ARFGEF1: variants seen among roughly 807,000 people sequenced by gnomAD.
ARFGEF1 encodes the protein ARF guanine nucleotide exchange factor 1.
In ARFGEF1, 42 loss-of-function variants were observed where a neutral mutation model predicts 231.0. The ratio of observed to expected loss-of-function variants is 0.18; its 90% confidence interval spans 0.14 to 0.24. ARFGEF1 has a LOEUF of 0.24. ARFGEF1 is among the 10% of genes least tolerant of loss of function. The pLI is 1.00. For synonymous variants in ARFGEF1, 710 were observed against 732.3 expected, an observed-to-expected ratio of 0.97 and a Z score of 0.49; for missense variants, 1,345 against 2,192.0, an observed-to-expected ratio of 0.61 and a Z score of 7.72.
In ARFGEF1 at chr8:67,228,197, C is replaced by T. The variant is rs377717251; in HGVS notation, c.3421+27G>A. 1.4e-4 allele frequency: 222 copies of T among 1,609,026 alleles called. No homozygotes were observed. The East Asian group carries it at 1.9e-3, about 14-fold the overall frequency. On this transcript the variant is annotated intron_variant, in intron 24 of 38. Coordinates refer to ENST00000262215, the MANE Select transcript of ARFGEF1 (RefSeq NM_006421.5). Reference sequence around the variant, plus strand: ...AGTTATTTTAGCCCCAAGCCAGTTCCGAAGTAGAATAAATGCCCATACTTA... The same window carrying T: ...AGTTATTTTAGCCCCAAGCCAGTTCTGAAGTAGAATAAATGCCCATACTTA...
chr8:67,199,035 G>C lies in ARFGEF1; in HGVS notation c.5449C>G (p.Pro1817Ala), dbSNP rs755365542. 1 of 1,610,966 alleles carries C rather than the reference G, an allele frequency of 6.2e-7. No homozygotes were observed. Residue 1817 changes from proline to alanine, a missense_variant, in exon 39 of 39, where the codon CCT becomes GCT. Transcript: ENST00000262215. ...CTTCTAAGAACAGCACGAAGTTCAG[G>C]AATCAAGTCAAATTGCATAATTTCA... ...LCEIMQFDLI[P>A]ELRAVLRRFF...
chr8:67,296,664 T>C (rs1044711466), intron 4 of ARFGEF1, 54 bp from the exon 5 acceptor site: 95 of 1,415,828 alleles, frequency 6.7e-5, no homozygotes, highest in East Asian at 1.2e-4. Context: ...CTTTTTTTTT[T>C]TGGAGACAGT....
Position 67,267,085 on chromosome 8 carries a change from T to C in ARFGEF1, c.1812+6A>G. On this transcript the variant is annotated splice_donor_region_variant and intron_variant, in intron 12 of 38. Transcript: ENST00000262215. ...TTAAATTTGAAAATGTTTTTATAGT[T>C]CTTACCTGAACATTACTCATACCAA... 1.2e-6 allele frequency: 2 copies of C among 1,612,426 alleles called. No homozygotes were observed. Among genetic ancestry groups the C allele is most frequent in the South Asian group, 2.2e-5 (2 of 90,954 alleles).
intron 4 of ARFGEF1, among the ~76,000 whole-genome samples, chr8:67,298,986 G>A (rs1806360608): frequency 6.6e-6 from 1 of 152,140 alleles, no homozygotes; most frequent in African/African-American, 2.4e-5. Flanking sequence ...GTTTCACCAT[G>A]TTGGCCAGGC....
At chr8:67,342,638 C>G (rs1808694739) in intron 1 of ARFGEF1, among the ~76,000 whole-genome samples, 1 of 152,046 alleles carries the variant, frequency 6.6e-6, no homozygotes, top group African/African-American at 2.4e-5. Flanking sequence ...TCAGAACGGG[C>G]TGCACCTCTT....
At chr8:67,310,233 G>C (rs953643744) in intron 1 of ARFGEF1, among the ~76,000 whole-genome samples, 3 of 151,540 alleles carry the variant, frequency 2.0e-5, no homozygotes, top group Admixed American at 1.3e-4. Flanking sequence ...TCAGCCTGCC[G>C]AGTGCCTGCG....
chr8:67,222,227 A>ATGTATG lies in ARFGEF1; in HGVS notation c.4209-2668_4209-2667insCATACA, dbSNP rs1554636859. 8.8e-3 allele frequency among the ~76,000 whole-genome samples: 1,011 copies of ATGTATG among 115,138 alleles called. 4 individuals carry two copies. Among genetic ancestry groups the ATGTATG allele is most frequent in the Admixed American group, 0.016 (156 of 10,062 alleles). 75.5% of individuals were successfully genotyped at this position (115,138 alleles called of 152,430 possible). On this transcript the variant is annotated intron_variant, in intron 29 of 38. Transcript: ENST00000262215. ...TATACACACACATATATATATATGT[A>ATGTATG]TATGTATGTATGTATGTATGTATGT... is the stretch of plus-strand genomic sequence containing the variant.
rs779476098 is a variant in ARFGEF1 at position 67,302,510 on chromosome 8, C to G, written c.125-44G>C. On this transcript the variant is annotated intron_variant, in intron 1 of 38. Transcript: ENST00000262215. ...AAGCATACATTAGAAAACTGGACAG[C>G]AGAAAGACTGAGTAATTTCTTAAGT... 40 of 1,408,398 alleles carry G rather than the reference C, an allele frequency of 2.8e-5. No homozygotes were observed. The East Asian group carries it at 9.3e-4, about 33-fold the overall frequency. 87.2% of individuals were successfully genotyped at this position (1,408,398 alleles called of 1,614,324 possible).
chr8:67,184,287 CAGA>C (rs1381368958), intron 5 of ARFGEF1, among the ~76,000 whole-genome samples: 3 of 152,034 alleles, frequency 2.0e-5, no homozygotes, highest in South Asian at 2.1e-4. Flanking sequence ...CCAAAGTAAG[CAGA>C]AGAAGAGAAA....
At chr8:67,338,067 C>T (rs895114266) in intron 1 of ARFGEF1, among the ~76,000 whole-genome samples, 2 of 152,192 alleles carry the variant, frequency 1.3e-5, no homozygotes, top group African/African-American at 4.8e-5. Flanking sequence ...TTCCCATTCA[C>T]AATTTTCTCT....
intron 10 of ARFGEF1, among the ~76,000 whole-genome samples, chr8:67,269,386 C>T (rs1223900142): frequency 7.4e-6 from 1 of 134,360 alleles, no homozygotes; most frequent in African/African-American, 2.8e-5. Flanking sequence ...GAGTTTCGCT[C>T]TTGTTGACCA....
At chr8:67,192,560 CA>C (rs1160057342) in intron 5 of ARFGEF1, among the ~76,000 whole-genome samples, 1 of 152,132 alleles carries the variant, frequency 6.6e-6, no homozygotes, top group Non-Finnish European at 1.5e-5. Context: ...TCCAACTCAT[CA>C]CTCTTTCTTG....
At chr8:67,251,690 A>C (rs1207719090) in intron 18 of ARFGEF1, among the ~76,000 whole-genome samples, 1 of 152,156 alleles carries the variant, frequency 6.6e-6, no homozygotes, top group African/African-American at 2.4e-5. Flanking sequence ...ATAAGGAGTA[A>C]TTGCTTGATG....
At position 67,271,918 on chromosome 8, in the gene ARFGEF1, G is replaced by A. The variant is rs144253473; in HGVS notation, c.1356C>T (p.Ser452=). Residue 452 remains serine (S), a synonymous_variant, in exon 10 of 39, where the codon TCC becomes TCT. Transcript: ENST00000262215. ...PPDPKSHELR[S]KILSLQLLLS... ...GAAGTAACTGCAATGAAAGAATCTT[G>A]GATCGTAGTTCATGAGACCTAAAAT... 49 of 1,609,614 alleles carry A rather than the reference G, an allele frequency of 3.0e-5. No homozygotes were observed. Among genetic ancestry groups the A allele is most frequent in the South Asian group, 1.3e-4 (12 of 89,662 alleles).
rs184393648 is a variant in ARFGEF1, at chr8:67,275,904, C to T, written c.1337+72G>A. ...AGGACAAAAAGAACAAAAGAAAATC[C>T]AAACATTACCTTAACAGTAAGTTTC... On this transcript the variant is annotated intron_variant, in intron 9 of 38. Coordinates refer to ENST00000262215, the MANE Select transcript of ARFGEF1 (RefSeq NM_006421.5). The T allele has an allele frequency of 1.4e-4, 212 of 1,564,242 alleles. 1 individual carries two copies. Among genetic ancestry groups the T allele is most frequent in the Non-Finnish European group, 1.0e-5 (12 of 1,155,312 alleles).
At chr8:67,326,600 CTTT>C (rs774084356) in intron 1 of ARFGEF1, among the ~76,000 whole-genome samples, 5 of 152,136 alleles carry the variant, frequency 3.3e-5, no homozygotes, top group African/African-American at 4.8e-5. Flanking sequence ...CTCAAAAATA[CTTT>C]TTATTTCTTA....
In ARFGEF1 at chr8:67,203,126, C is replaced by A; in HGVS notation, c.5085G>T (p.Ala1695=). 1 of 1,614,006 alleles carries A rather than the reference C, an allele frequency of 6.2e-7. No individual in the cohort carries two copies. Among genetic ancestry groups the A allele is most frequent in the South Asian group, 1.1e-5 (1 of 91,026 alleles). Residue 1695 remains alanine (A), a synonymous_variant, in exon 36 of 39, where the codon GCG becomes GCT. Coordinates refer to ENST00000262215, the MANE Select transcript of ARFGEF1 (RefSeq NM_006421.5). ...CLLESHRFAK[A]FNSNNEQRTA... is the part of the protein sequence containing the mutation. ...TCCTCTGTTCGTTGTTGGAATTAAA[C>A]GCTTTTGCAAATCTATGTGACTCTA...
intron 1 of ARFGEF1, among the ~76,000 whole-genome samples, chr8:67,325,223 C>CT (rs767351969): frequency 0.048 from 6,881 of 143,152 alleles, 330 homozygotes; most frequent in African/African-American, 0.13. Context: ...GAAAAATCCA[C>CT]TTTTTTTTTT....
chr8:67,215,257 A>T (rs1039368567), intron 33 of ARFGEF1, among the ~76,000 whole-genome samples: 1 of 152,140 alleles, frequency 6.6e-6, no homozygotes, highest in African/African-American at 2.4e-5. Context: ...TATATTTATA[A>T]GGGATTTTGG....
Sources: gnomAD v4.1 joint callset for allele counts (sites outside exome capture counted in the v4.1 genomes callset) on GRCh38, gnomAD v4.1.1 for gene constraint, MANE v1.5 for transcripts, NCBI Gene and HGNC (gene_info 2026-07-23, HGNC 2026-07-21) for gene names.